Variants in RMP64 observed in about 807,000 individuals in gnomAD.
The protein encoded by RMP64 is nucleolus and neural progenitor protein.
At chr3:113,010,523 A>C in the RMP64 span, 1 of 750,088 alleles carries the variant, frequency 1.3e-6, no homozygotes. Context: ...CTGACAACTA[A>C]GAAGGCACTA....
chr3:113,007,736 G>C, the RMP64 span, among the ~76,000 whole-genome samples: 1 of 152,144 alleles, frequency 6.6e-6, no homozygotes, highest in African/African-American at 2.4e-5. Context: ...AGTCTTGTGT[G>C]GGCCTCATGG....
chr3:113,012,730 A>G, the RMP64 span: 2 of 1,544,584 alleles, frequency 1.3e-6, no homozygotes, highest in Non-Finnish European at 1.8e-6. Flanking sequence ...AGGTATGTAC[A>G]TACCATAACC....
the RMP64 span, chr3:113,010,592 CT>C: frequency 7.0e-7 from 1 of 1,422,650 alleles, no homozygotes; most frequent in Non-Finnish European, 9.9e-7. Flanking sequence ...AAGAAGCATC[CT>C]CTACAAATTA....
At chr3:113,008,032 C>T in the RMP64 span, 1 of 678,904 alleles carries the variant, frequency 1.5e-6, no homozygotes, top group Non-Finnish European at 2.5e-6. Flanking sequence ...GCAGCAAATG[C>T]AATTGCAGTT....
the RMP64 span, among the ~76,000 whole-genome samples, chr3:113,018,077 T>G: frequency 1.3e-5 from 2 of 152,214 alleles, no homozygotes; most frequent in African/African-American, 4.8e-5. Context: ...GATATCACTT[T>G]ATGAGAGACA....
chr3:113,006,001 C>T, the RMP64 span: 5 of 1,604,202 alleles, frequency 3.1e-6, no homozygotes, highest in Non-Finnish European at 3.4e-6. Context: ...GTTTCTTTGG[C>T]AAACTTTAAA....
chr3:113,005,960 T>C, the RMP64 span: 3 of 1,613,550 alleles, frequency 1.9e-6, no homozygotes, highest in African/African-American at 4.0e-5. Flanking sequence ...ACGAAGAAGG[T>C]GGTTGCAAAT....
the RMP64 span, chr3:113,004,618 A>T: frequency 6.6e-6 from 1 of 152,356 alleles, no homozygotes; most frequent in African/African-American, 2.4e-5. Context: ...AGAACATTGG[A>T]AAGATACCTA....
chr3:113,018,174 C>T, the RMP64 span, among the ~76,000 whole-genome samples: 1 of 152,178 alleles, frequency 6.6e-6, no homozygotes, highest in Non-Finnish European at 1.5e-5. Context: ...CAGATGCTTC[C>T]TAGTCTGAAA....
the RMP64 span, among the ~76,000 whole-genome samples, chr3:113,016,915 C>T: frequency 6.6e-6 from 1 of 152,206 alleles, no homozygotes; most frequent in African/African-American, 2.4e-5. Flanking sequence ...GGTATAGCCC[C>T]TGAGCTGGAG....
chr3:113,010,004 C>G, the RMP64 span, among the ~76,000 whole-genome samples: 1 of 144,456 alleles, frequency 6.9e-6, no homozygotes, highest in Non-Finnish European at 1.5e-5. Context: ...CTGAGTAAAA[C>G]AGTAATGCCG....
the RMP64 span, among the ~76,000 whole-genome samples, chr3:113,015,917 AG>A: frequency 1.4e-3 from 206 of 151,864 alleles, no homozygotes; most frequent in African/African-American, 4.7e-3. Context: ...ACTTAAAATG[AG>A]ATTACTATAA....
the RMP64 span, chr3:113,019,445 C>T: frequency 2.1e-6 from 2 of 975,506 alleles, no homozygotes; most frequent in Admixed American, 2.2e-5. Context: ...TCCCCCGGGC[C>T]GGGAAGTCCC....
the RMP64 span, chr3:113,005,860 C>CGTGG: frequency 6.2e-7 from 1 of 1,613,876 alleles, no homozygotes; most frequent in South Asian, 1.1e-5. Context: ...TCGACTGCAA[C>CGTGG]TTTCTCTGTG....
At chr3:113,005,551 AG>A in the RMP64 span, 1 of 1,610,662 alleles carries the variant, frequency 6.2e-7, no homozygotes. Context: ...CTCCCATTAA[AG>A]CAAAAATATC....
the RMP64 span, chr3:113,017,393 T>C: frequency 2.1e-6 from 3 of 1,434,488 alleles, no homozygotes; most frequent in Middle Eastern, 1.8e-4. Context: ...TAAGTGGCAG[T>C]GTGATCTACA....
chr3:113,011,204 T>G, the RMP64 span: 3 of 1,613,312 alleles, frequency 1.9e-6, no homozygotes, highest in Admixed American at 5.0e-5. Flanking sequence ...AGCAATTTAT[T>G]TATTCCTTTA....
At chr3:113,008,371 A>C in the RMP64 span, 1 of 1,613,400 alleles carries the variant, frequency 6.2e-7, no homozygotes, top group Non-Finnish European at 8.5e-7. Context: ...TCACTTTCTG[A>C]GAAGAATACT....
chr3:113,005,906 C>G, the RMP64 span: 1 of 1,613,730 alleles, frequency 6.2e-7, no homozygotes, highest in Admixed American at 1.7e-5. Flanking sequence ...ATTCTGTGAT[C>G]TTCTCTGTCT....
Sources: allele counts gnomAD v4.1 joint callset (sites outside exome capture counted in the v4.1 genomes callset), GRCh38; gene constraint gnomAD v4.1.1; transcripts MANE v1.5; gene names NCBI Gene and HGNC (gene_info 2026-07-23, HGNC 2026-07-21).